ATOH8: variants seen among roughly 807,000 people sequenced by gnomAD.
ATOH8 encodes atonal bHLH transcription factor 8.
ATOH8 carries 9 observed loss-of-function variants against 21.2 expected under a neutral mutation model. That is an observed-to-expected ratio of 0.42 (90% CI 0.26 to 0.74). The LOEUF is 0.74. ATOH8 is among the 30% of genes least tolerant of loss of function. The pLI is 0.24. For missense variants in ATOH8, 524 were observed against 470.9 expected (o/e 1.11, Z -1.04); for synonymous variants, 253 against 224.0 (o/e 1.13, Z -1.16).
chr2:85,770,161 C>T (rs1047782131), intron 2 of ATOH8, among the ~76,000 whole-genome samples: 6 of 152,166 alleles, frequency 3.9e-5, no homozygotes, highest in African/African-American at 1.4e-4. Flanking sequence ...GGTATCACCT[C>T]GTGGGCTCCT....
Position 85,787,011 on chromosome 2 carries a change from C to G in ATOH8, c.*121C>G. The G allele has an allele frequency of 7.5e-7, 1 of 1,336,958 alleles. No individual in the cohort carries two copies. The highest frequency in any genetic ancestry group is 1.1e-6 in the Non-Finnish European group (1 of 950,792). The allele number at this position is 1,336,958 out of a possible 1,614,324, so 82.8% of individuals were successfully genotyped here. A position where few individuals can be genotyped will look rare whatever the true frequency, so the allele number is the denominator to read the frequency against. Reference sequence around the variant, plus strand: ...CTCCAAGATGCCGCCAGATGCCCAGCCTACAGCCTCTCAGGGTCGGATCGG... The same window carrying G: ...CTCCAAGATGCCGCCAGATGCCCAGGCTACAGCCTCTCAGGGTCGGATCGG... On this transcript the variant is annotated 3_prime_UTR_variant, in exon 3 of 3. Coordinates refer to ENST00000306279, the MANE Select transcript of ATOH8 (RefSeq NM_032827.7).
At chr2:85,775,692 G>A (rs1367837261) in intron 2 of ATOH8, among the ~76,000 whole-genome samples, 1 of 152,156 alleles carries the variant, frequency 6.6e-6, no homozygotes, top group Non-Finnish European at 1.5e-5. Flanking sequence ...TCCTCACCAG[G>A]GCAGTCAGTC....
rs764976935 is a variant in ATOH8 at position 85,754,644 on chromosome 2, C to T, written c.455C>T (p.Pro152Leu). ...CCTTTCCGGGAGCCGGGTCTGCGTCCTCGCATCTTGCTGTGCGCACCGCCC... is the reference window on the plus strand; with the variant it reads ...CCTTTCCGGGAGCCGGGTCTGCGTCTTCGCATCTTGCTGTGCGCACCGCCC... ...AQPFREPGLR[P>L]RILLCAPPAR... The change falls in exon 1 of 3, where the codon CCT becomes CTT. Residue 152 changes from proline to leucine, a missense_variant. Physicochemically the swap from Pro to Leu is moderately conservative, Grantham distance 98. Coordinates refer to ENST00000306279, the MANE Select transcript of ATOH8 (RefSeq NM_032827.7). 1.3e-6 allele frequency: 2 copies of T among 1,523,686 alleles called. No individual in the cohort carries two copies. The highest frequency in any genetic ancestry group is 1.8e-6 in the Non-Finnish European group (2 of 1,139,236). The allele number at this position is 1,523,686 out of a possible 1,614,324, so 94.4% of individuals were successfully genotyped here.
In ATOH8 at chr2:85,790,183, T is replaced by G. The variant is rs1680731775; in HGVS notation, c.*3293T>G. On this transcript the variant is annotated 3_prime_UTR_variant, in exon 3 of 3. Transcript: ENST00000306279. Reference sequence around the variant, plus strand: ...TGGTCACAGAGTCACCTGTGGATGTTTGTAGCACACTCTCCTTGTCTTGTC... The same window carrying G: ...TGGTCACAGAGTCACCTGTGGATGTGTGTAGCACACTCTCCTTGTCTTGTC... Among the ~76,000 whole-genome samples, 1 of 152,160 alleles carries G rather than the reference T, an allele frequency of 6.6e-6. No individual in the cohort carries two copies. Among genetic ancestry groups the G allele is most frequent in the Non-Finnish European group, 1.5e-5 (1 of 68,022 alleles).
intron 2 of ATOH8, among the ~76,000 whole-genome samples, chr2:85,765,152 A>C (rs1347196856): frequency 6.6e-6 from 1 of 152,178 alleles, no homozygotes; most frequent in Non-Finnish European, 1.5e-5. Flanking sequence ...AGCAACAGAG[A>C]GTGGGATCCA....
At chr2:85,762,959 G>A (rs1315333764) in intron 1 of ATOH8, among the ~76,000 whole-genome samples, 1 of 152,092 alleles carries the variant, frequency 6.6e-6, no homozygotes, top group Non-Finnish European at 1.5e-5. Flanking sequence ...CTAAATACTT[G>A]TGTGGATGCA....
At chr2:85,758,997 GGTTGATGGAGGAT>G (rs1679790359) in intron 1 of ATOH8, among the ~76,000 whole-genome samples, 1 of 152,218 alleles carries the variant, frequency 6.6e-6, no homozygotes, top group Non-Finnish European at 1.5e-5. Flanking sequence ...GGTCCCTCAG[GGTTGATGGAGGAT>G]GGCAGCAATG....
At chr2:85,780,829 G>A (rs1005893402) in intron 2 of ATOH8, 39 of 969,934 alleles carry the variant, frequency 4.0e-5, no homozygotes, top group Non-Finnish European at 4.3e-5. Context: ...CACTATCCTC[G>A]ATTCATGCCA....
chr2:85,754,733 G>A lies in ATOH8; in HGVS notation c.544G>A (p.Ala182Thr), dbSNP rs767550004. The A allele has an allele frequency of 1.6e-5, 25 of 1,612,406 alleles. No individual in the cohort carries two copies. The highest frequency in any genetic ancestry group is 1.9e-5 in the Non-Finnish European group (23 of 1,179,736). The change falls in exon 1 of 3, where the codon GCG (alanine) becomes ACG (threonine). Residue 182 changes from alanine (A) to threonine (T), a missense_variant. Ala to Thr is a moderately conservative substitution (Grantham distance 58). Coordinates refer to ENST00000306279, the MANE Select transcript of ATOH8 (RefSeq NM_032827.7). ...PAPPESTVRPAPPTRPGESSY... is the reference protein window; with the variant it reads ...PAPPESTVRPTPPTRPGESSY... The stretch of plus-strand genomic sequence containing the variant: ...GCCCCCGGAGTCCACTGTGCGCCCT[G>A]CGCCCCCGACGCGCCCCGGGGAAAG...
intron 2 of ATOH8, among the ~76,000 whole-genome samples, chr2:85,777,953 C>A (rs1024837667): frequency 2.0e-4 from 30 of 152,182 alleles, no homozygotes; most frequent in Admixed American, 1.9e-3. Flanking sequence ...GAAGTGGAGA[C>A]AAAGTTCCTG....
chr2:85,774,019 A>T, intron 2 of ATOH8: 1 of 914,628 alleles, frequency 1.1e-6, no homozygotes, highest in Non-Finnish European at 1.3e-6. Context: ...AAGTGTTTTA[A>T]CCTCAGGACC....
intron 2 of ATOH8, among the ~76,000 whole-genome samples, chr2:85,776,629 G>A (rs1680329609): frequency 6.6e-6 from 1 of 152,192 alleles, no homozygotes. Flanking sequence ...CCTCCTGCAT[G>A]GTGGGCCGAT....
chr2:85,769,694 G>A (rs1328391594), intron 2 of ATOH8, among the ~76,000 whole-genome samples: 1 of 152,194 alleles, frequency 6.6e-6, no homozygotes, highest in Non-Finnish European at 1.5e-5. Flanking sequence ...AGCTGAGGGT[G>A]TGTAGGAGGG....
chr2:85,763,164 A>G (rs914008394), intron 1 of ATOH8, among the ~76,000 whole-genome samples: 2 of 152,176 alleles, frequency 1.3e-5, no homozygotes, highest in African/African-American at 2.4e-5. Flanking sequence ...AGCTATTTCC[A>G]GGTTCCAAGA....
chr2:85,764,299 T>A, intron 2 of ATOH8, 117 bp downstream of exon 2: 2 of 1,340,628 alleles, frequency 1.5e-6, no homozygotes, highest in Non-Finnish European at 2.0e-6. Context: ...GATCAGCTCT[T>A]GGAGGTTTGC....
In ATOH8 at chr2:85,787,143, C is replaced by G. The variant is rs1573541206; in HGVS notation, c.*253C>G. 2 of 533,946 alleles carry G rather than the reference C, an allele frequency of 3.7e-6. No homozygotes were observed. Among genetic ancestry groups the G allele is most frequent in the East Asian group, 6.1e-5 (2 of 32,696 alleles). The allele number at this position is 533,946 out of a possible 1,614,324, so 33.1% of individuals were successfully genotyped here. On this transcript the variant is annotated 3_prime_UTR_variant, in exon 3 of 3. Transcript: ENST00000306279. ...AGGGGAGAGCTCAGCCCCCGACTCA[C>G]TCAGACCCCAAGGCCCACTGTCCAG... is the stretch of plus-strand genomic sequence containing the variant.
chr2:85,761,592 G>A (rs899050467), intron 1 of ATOH8, among the ~76,000 whole-genome samples: 5 of 152,266 alleles, frequency 3.3e-5, no homozygotes, highest in South Asian at 2.1e-4. Flanking sequence ...CAGCTGTTAC[G>A]GGCCATGGGC....
rs1370884882 is a variant in ATOH8, at chr2:85,766,261, G to A, written c.960+2079G>A. 6.6e-6 allele frequency among the ~76,000 whole-genome samples: 1 copy of A among 152,100 alleles called. No individual in the cohort carries two copies. The highest frequency in any genetic ancestry group is 6.5e-5 in the Admixed American group (1 of 15,272). ...TGGGGCTTACTTATGTGGTGAAATT[G>A]CCCTGGAGAGGGATTTTGGGGGTCG... On this transcript the variant is annotated intron_variant, in intron 2 of 2. Transcript: ENST00000306279. The surrounding 1 kb of genome is among the most constrained non-coding windows in gnomAD (Gnocchi z 4.0).
chr2:85,764,660 A>G (rs1679958799), intron 2 of ATOH8, among the ~76,000 whole-genome samples: 1 of 152,178 alleles, frequency 6.6e-6, no homozygotes, highest in Admixed American at 6.5e-5. Flanking sequence ...TCATTCATTC[A>G]TTCTGGAGAG....
Sources: gnomAD v4.1 joint callset for allele counts (sites outside exome capture counted in the v4.1 genomes callset) on GRCh38, gnomAD v4.1.1 for gene constraint, Gnocchi (gnomAD v3.1) non-coding constraint, MANE v1.5 for transcripts, NCBI Gene and HGNC (gene_info 2026-07-23, HGNC 2026-07-21) for gene names.